TLN2: variants seen among roughly 807,000 people sequenced by gnomAD.
TLN2 encodes the protein talin-2.
A neutral mutation model predicts 294.7 loss-of-function variants in TLN2; 118 were observed. The observed-to-expected ratio is 0.40, with a 90% confidence interval of 0.34 to 0.47. The LOEUF (loss-of-function observed/expected upper bound fraction) is 0.47. TLN2 is among the 20% of genes least tolerant of loss of function. The pLI, the probability that TLN2 is intolerant of heterozygous loss-of-function variation, is 0.84. For synonymous variants in TLN2, 1,431 were observed against 1,304.5 expected (o/e 1.10, Z -2.09); for missense variants, 3,083 against 3,282.2 (o/e 0.94, Z 1.48).
chr15:62,598,875 C>T (rs554733001), intron 2 of TLN2, among the ~76,000 whole-genome samples: 43 of 152,134 alleles, frequency 2.8e-4, no homozygotes, highest in African/African-American at 8.0e-4. Context: ...GTGCCCTGGG[C>T]GATGGGACCC....
chr15:62,780,795 C>T (rs1476013889), intron 43 of TLN2, among the ~76,000 whole-genome samples: 1 of 152,160 alleles, frequency 6.6e-6, no homozygotes, highest in South Asian at 2.1e-4. Context: ...GGCTGGCTCC[C>T]GCCTCCATGT....
Position 62,719,832 on chromosome 15 carries a change from C to T in TLN2, c.2943C>T (p.Asp981=). The change falls in exon 25 of 59, where the codon GAC becomes GAT. Residue 981 remains aspartate, a synonymous_variant. Transcript: ENST00000636159. ...GVRGSQAQAE[D]LSAQLALIIS... is the part of the protein sequence containing the mutation. ...GGGGGAGCCAAGCTCAAGCTGAAGA[C>T]CTGAGTGCCCAGCTGGCTCTCATCA... is the stretch of plus-strand genomic sequence containing the variant. 1 of 1,612,466 alleles carries T rather than the reference C, an allele frequency of 6.2e-7. No homozygotes were observed. Among genetic ancestry groups the T allele is most frequent in the Non-Finnish European group, 8.5e-7 (1 of 1,179,200 alleles).
chr15:62,465,472 G>A (rs1172230883), intron 1 of TLN2, among the ~76,000 whole-genome samples: 2 of 152,138 alleles, frequency 1.3e-5, no homozygotes, highest in East Asian at 3.9e-4. Context: ...TTTCCTGAAC[G>A]TGAACATTTT....
intron 1 of TLN2, among the ~76,000 whole-genome samples, chr15:62,425,262 C>T (rs1483370055): frequency 1.3e-5 from 2 of 152,086 alleles, no homozygotes; most frequent in Non-Finnish European, 2.9e-5. Context: ...CCCTATTTGT[C>T]TTAAAAGCTT....
chr15:62,555,672 G>A (rs2042563599), intron 1 of TLN2, among the ~76,000 whole-genome samples: 4 of 152,188 alleles, frequency 2.6e-5, no homozygotes, highest in Admixed American at 2.6e-4. Context: ...GTGTATGATA[G>A]CAGTAGAGCT....
chr15:62,402,940 T>C (rs1237640786), intron 1 of TLN2, among the ~76,000 whole-genome samples: 6 of 152,070 alleles, frequency 3.9e-5, no homozygotes, highest in Non-Finnish European at 8.8e-5. Flanking sequence ...GTACCTGTCA[T>C]CTAAAGGAAA....
intron 16 of TLN2, among the ~76,000 whole-genome samples, chr15:62,700,156 C>T (rs1170929535): frequency 6.6e-6 from 1 of 152,198 alleles, no homozygotes; most frequent in African/African-American, 2.4e-5. Context: ...GTATGGCAGA[C>T]TCCCATATCC....
chr15:62,778,223 C>A (rs1442079681), intron 43 of TLN2, among the ~76,000 whole-genome samples: 1 of 152,204 alleles, frequency 6.6e-6, no homozygotes, highest in African/African-American at 2.4e-5. Context: ...TTAGAGGCCG[C>A]AGGCTCTACT....
At chr15:62,656,454 C>G (rs560932254) in intron 8 of TLN2, among the ~76,000 whole-genome samples, 1 of 152,208 alleles carries the variant, frequency 6.6e-6, no homozygotes, top group Admixed American at 6.5e-5. Flanking sequence ...GGTCAGAAAT[C>G]AGGACTCTCA....
chr15:62,795,320 A>G (rs2065396652), intron 46 of TLN2, among the ~76,000 whole-genome samples: 1 of 152,144 alleles, frequency 6.6e-6, no homozygotes, highest in African/African-American at 2.4e-5. Context: ...GGTGAGAGCC[A>G]GGTGAAGCGG....
intron 53 of TLN2, among the ~76,000 whole-genome samples, chr15:62,819,919 T>C (rs2141203654): frequency 6.6e-6 from 1 of 152,352 alleles, no homozygotes; most frequent in Non-Finnish European, 1.5e-5. Flanking sequence ...TGTCTGCATT[T>C]TCATTCATCA....
intron 1 of TLN2, among the ~76,000 whole-genome samples, chr15:62,516,595 C>T (rs1378531467): frequency 6.6e-6 from 1 of 152,198 alleles, no homozygotes; most frequent in Admixed American, 6.5e-5. Context: ...TGCTTCTGGA[C>T]AGCTGTTGCA....
At chr15:62,515,398 T>A (rs1006610525) in intron 1 of TLN2, among the ~76,000 whole-genome samples, 2 of 152,360 alleles carry the variant, frequency 1.3e-5, no homozygotes, top group Admixed American at 1.3e-4. Context: ...TTTCCAGACT[T>A]TGGCTACTCC....
chr15:62,686,578 T>G, intron 11 of TLN2, 63 bp from the exon 12 acceptor site: 1 of 1,539,604 alleles, frequency 6.5e-7, no homozygotes, highest in Non-Finnish European at 8.8e-7. Context: ...AAATCACTGA[T>G]TCCCTGGCAA....
At chr15:62,495,272 G>C (rs1034231581) in intron 1 of TLN2, among the ~76,000 whole-genome samples, 1 of 152,178 alleles carries the variant, frequency 6.6e-6, no homozygotes, top group Non-Finnish European at 1.5e-5. Flanking sequence ...CATGTGGTAG[G>C]AATTGTAAGT....
At chr15:62,634,658 T>C (rs1451887535) in intron 3 of TLN2, among the ~76,000 whole-genome samples, 1 of 152,276 alleles carries the variant, frequency 6.6e-6, no homozygotes, top group African/African-American at 2.4e-5. Context: ...CTGATGAAAT[T>C]GGTAAGACTT....
chr15:62,562,472 GC>G (rs1260948005), intron 1 of TLN2, among the ~76,000 whole-genome samples: 3 of 152,148 alleles, frequency 2.0e-5, no homozygotes, highest in African/African-American at 7.2e-5. Flanking sequence ...GTCTGATGCA[GC>G]CTCCCTCTGC....
chr15:62,451,104 G>A (rs1267941110), intron 1 of TLN2, among the ~76,000 whole-genome samples: 1 of 151,998 alleles, frequency 6.6e-6, no homozygotes, highest in Non-Finnish European at 1.5e-5. Context: ...GTGAGCCACT[G>A]TGCCTGACCT....
chr15:62,641,388 A>C (rs1285915956), intron 3 of TLN2, among the ~76,000 whole-genome samples: 3 of 151,994 alleles, frequency 2.0e-5, no homozygotes, highest in Non-Finnish European at 2.9e-5. Context: ...AGGCCAAGGC[A>C]GGTGGATCAC....
Sources: allele counts gnomAD v4.1 joint callset (sites outside exome capture counted in the v4.1 genomes callset), GRCh38; gene constraint gnomAD v4.1.1; transcripts MANE v1.5; gene names NCBI Gene and HGNC (gene_info 2026-07-23, HGNC 2026-07-21).